HACL1: variants seen among roughly 807,000 people sequenced by gnomAD.
HACL1 encodes 1600020H07Rik.
Under a neutral mutation model 74.2 loss-of-function variants are expected in HACL1, and 64 were observed. The ratio of observed to expected loss-of-function variants is 0.86; its 90% confidence interval spans 0.70 to 1.06. The LOEUF is 1.06. Among genes scored for constraint, HACL1 ranks in the 50% least tolerant of loss-of-function variants. The pLI is 0.00. For synonymous variants in HACL1, 230 were observed against 238.8 expected (o/e 0.96, Z 0.34); for missense variants, 728 against 719.7 (o/e 1.01, Z -0.13).
At chr3:15,570,907 A>G (rs926914895) in intron 12 of HACL1, among the ~76,000 whole-genome samples, 16 of 151,892 alleles carry the variant, frequency 1.1e-4, no homozygotes, top group South Asian at 4.2e-4. Flanking sequence ...TGAAGGACCT[A>G]TATCTTAAAA....
Position 15,592,473 on chromosome 3 carries a change from C to T in HACL1, c.228-793G>A, listed in dbSNP as rs1218806326. On this transcript the variant is annotated intron_variant, in intron 3 of 16. Coordinates refer to ENST00000321169, the MANE Select transcript of HACL1 (RefSeq NM_012260.4). ...ATACACACACGTATACATACACACA[C>T]GTATACATACACTTGTATACATATA... is the stretch of plus-strand genomic sequence containing the variant. 1.4e-3 allele frequency among the ~76,000 whole-genome samples: 24 copies of T among 16,934 alleles called. 1 individual carries two copies. The highest frequency in any genetic ancestry group is 0.014 in the South Asian group (3 of 218). 11.1% of individuals were successfully genotyped at this position (16,934 alleles called of 152,430 possible).
At chr3:15,593,582 G>A (rs969701221) in intron 3 of HACL1, among the ~76,000 whole-genome samples, 9 of 152,042 alleles carry the variant, frequency 5.9e-5, no homozygotes, top group African/African-American at 2.2e-4. Flanking sequence ...CACACCTTAT[G>A]TCTCTAACCA....
At chr3:15,576,480 T>C (rs948568727) in intron 9 of HACL1, among the ~76,000 whole-genome samples, 13 of 152,186 alleles carry the variant, frequency 8.5e-5, no homozygotes, top group African/African-American at 2.9e-4. Context: ...TTCTAATCTT[T>C]TAATGATTTC....
intron 3 of HACL1, 36 bp from the exon 4 acceptor site, chr3:15,591,716 A>T: frequency 7.3e-7 from 1 of 1,374,242 alleles, no homozygotes; most frequent in South Asian, 1.2e-5. Context: ...AATCAGGTCA[A>T]ATGTAACAAC....
At chr3:15,571,591 G>T in intron 12 of HACL1, 77 bp downstream of exon 12, 1 of 784,648 alleles carries the variant, frequency 1.3e-6, no homozygotes, top group Non-Finnish European at 2.3e-6. Flanking sequence ...TTTTAGGAAT[G>T]CACATGTCAC....
At chr3:15,597,125 C>T (rs1393439099) in intron 2 of HACL1, among the ~76,000 whole-genome samples, 14 of 152,096 alleles carry the variant, frequency 9.2e-5, no homozygotes. Context: ...CTTTTTCATT[C>T]CTGACATTGG....
At chr3:15,595,107 T>C (rs539148218) in intron 3 of HACL1, among the ~76,000 whole-genome samples, 26 of 151,898 alleles carry the variant, frequency 1.7e-4, no homozygotes, top group African/African-American at 4.6e-4. Context: ...CCAGCCCAGA[T>C]AACAGTGCAA....
intron 3 of HACL1, among the ~76,000 whole-genome samples, chr3:15,593,342 T>C (rs1356598223): frequency 1.3e-5 from 2 of 151,886 alleles, no homozygotes; most frequent in African/African-American, 4.8e-5. Flanking sequence ...GCCTCCCAAG[T>C]AACCGGGACT....
intron 2 of HACL1, chr3:15,600,744 T>A (rs1400430623): frequency 6.4e-6 from 2 of 311,852 alleles, no homozygotes; most frequent in Admixed American, 4.2e-5. Flanking sequence ...CCTGCTCTAA[T>A]GGAGCTTGTA....
chr3:15,580,002 C>T lies in HACL1; in HGVS notation c.711G>A (p.Val237=). The change falls in exon 9 of 17, where the codon GTG becomes GTA. Residue 237 remains valine, a synonymous_variant. Transcript: ENST00000321169. ...AHAEESIKKL[V]EQYKLPFLPT... ...GCAAAAATGGCAGTTTATATTGCTC[C>T]ACCAATTTCTTGATACTCTCTTCTG... 1 of 1,610,284 alleles carries T rather than the reference C, an allele frequency of 6.2e-7. No individual in the cohort carries two copies. The highest frequency in any genetic ancestry group is 8.5e-7 in the Non-Finnish European group (1 of 1,176,566).
chr3:15,571,837 T>TC lies in HACL1; in HGVS notation c.994-69_994-68insG, dbSNP rs1414440633. 11 of 575,320 alleles carry TC rather than the reference T, an allele frequency of 1.9e-5. No homozygotes were observed. The African/African-American group carries it at 2.0e-4, about 10-fold the overall frequency. The allele number at this position is 575,320 out of a possible 1,614,324, so 35.6% of individuals were successfully genotyped here. ...TTCTTTGCCTTTTTTTTCTTTTTTT[T>TC]TTTTTTTTTTTTTTTTTTTTGAGAC... On this transcript the variant is annotated intron_variant, in intron 11 of 16. Coordinates refer to ENST00000321169, the MANE Select transcript of HACL1 (RefSeq NM_012260.4).
At chr3:15,570,058 C>T (rs1476717898) in intron 12 of HACL1, among the ~76,000 whole-genome samples, 2 of 151,500 alleles carry the variant, frequency 1.3e-5, no homozygotes. Context: ...TAATGTAGGC[C>T]AGGCACGGTG....
chr3:15,561,990 A>C (rs2063353354), intron 16 of HACL1, among the ~76,000 whole-genome samples: 1 of 152,196 alleles, frequency 6.6e-6, no homozygotes, highest in African/African-American at 2.4e-5. Context: ...GTATTCATTA[A>C]GCTTCTTACA....
intron 12 of HACL1, among the ~76,000 whole-genome samples, chr3:15,570,248 T>C (rs552085671): frequency 1.3e-5 from 2 of 151,812 alleles, no homozygotes; most frequent in South Asian, 2.1e-4. Flanking sequence ...TGCAGGAGAA[T>C]TGCTTAAACC....
At chr3:15,588,474 T>C (rs1574935846) in intron 5 of HACL1, among the ~76,000 whole-genome samples, 1 of 151,908 alleles carries the variant, frequency 6.6e-6, no homozygotes, top group Non-Finnish European at 1.5e-5. Flanking sequence ...GTGCCTATAG[T>C]CCCAGCCACT....
At chr3:15,583,667 T>C (rs568582968) in intron 7 of HACL1, among the ~76,000 whole-genome samples, 5 of 150,658 alleles carry the variant, frequency 3.3e-5, no homozygotes, top group African/African-American at 1.2e-4. Flanking sequence ...TTTTTTTTTT[T>C]CTTTTGTGGA....
chr3:15,561,187 G>A (rs1327399805), intron 16 of HACL1, among the ~76,000 whole-genome samples: 7 of 152,228 alleles, frequency 4.6e-5, no homozygotes, highest in African/African-American at 1.4e-4. Context: ...AGAAGGAGAA[G>A]GGAGATGAAG....
chr3:15,584,341 G>A (rs2063757671), intron 7 of HACL1, among the ~76,000 whole-genome samples: 1 of 152,154 alleles, frequency 6.6e-6, no homozygotes, highest in Non-Finnish European at 1.5e-5. Flanking sequence ...TGTAATCCCA[G>A]CACTTTGTGA....
intron 11 of HACL1, among the ~76,000 whole-genome samples, chr3:15,572,466 G>A (rs896290284): frequency 6.6e-6 from 1 of 152,146 alleles, no homozygotes; most frequent in African/African-American, 2.4e-5. Context: ...AACCCTCCTC[G>A]GTCTTTGACA....
Sources: allele counts gnomAD v4.1 joint callset (sites outside exome capture counted in the v4.1 genomes callset), GRCh38; gene constraint gnomAD v4.1.1; transcripts MANE v1.5; gene names NCBI Gene and HGNC (gene_info 2026-07-23, HGNC 2026-07-21).